The following ZNF385D variants were observed in gnomAD, a reference collection of about 807,000 sequenced individuals.
ZNF385D encodes zinc finger protein 659.
ZNF385D carries 15 observed loss-of-function variants against 35.8 expected under a neutral mutation model. That is an observed-to-expected ratio of 0.42 (90% CI 0.28 to 0.64). The LOEUF is 0.64. Among genes scored for constraint, ZNF385D ranks in the 30% least tolerant of loss-of-function variants. The pLI, the probability that ZNF385D is intolerant of heterozygous loss-of-function variation, is 0.23. For missense variants in ZNF385D, 474 were observed against 494.6 expected (o/e 0.96, Z 0.39); for synonymous variants, 212 against 186.8 (o/e 1.13, Z -1.10).
chr3:22,187,112 C>T (rs140102428), intron 2 of ZNF385D, among the ~76,000 whole-genome samples: 1 of 152,138 alleles, frequency 6.6e-6, no homozygotes, highest in African/African-American at 2.4e-5. Context: ...CTAACATCTT[C>T]CCACATATAA....
At chr3:21,640,417 G>A (rs1264778247) in intron 2 of ZNF385D, among the ~76,000 whole-genome samples, 1 of 152,098 alleles carries the variant, frequency 6.6e-6, no homozygotes, top group African/African-American at 2.4e-5. Context: ...GTTATGGACT[G>A]AAGTTTGTCT....
chr3:21,610,164 G>GAA (rs2064625709), intron 2 of ZNF385D, among the ~76,000 whole-genome samples: 2 of 150,412 alleles, frequency 1.3e-5, no homozygotes, highest in Non-Finnish European at 2.9e-5. Flanking sequence ...ATGTGTTTAT[G>GAA]CATATATATG....
chr3:22,014,757 T>C (rs1235830796), intron 3 of ZNF385D, among the ~76,000 whole-genome samples: 2 of 152,116 alleles, frequency 1.3e-5, no homozygotes, highest in Non-Finnish European at 2.9e-5. Context: ...TTAAATATAT[T>C]AATAATGAAA....
chr3:21,930,146 A>G (rs1700928410), intron 3 of ZNF385D, among the ~76,000 whole-genome samples: 1 of 152,106 alleles, frequency 6.6e-6, no homozygotes, highest in Non-Finnish European at 1.5e-5. Flanking sequence ...CCCATACTTT[A>G]TGACAATTAG....
chr3:21,812,932 G>A (rs2072993950), intron 3 of ZNF385D, among the ~76,000 whole-genome samples: 1 of 152,308 alleles, frequency 6.6e-6, no homozygotes, highest in South Asian at 2.1e-4. Flanking sequence ...GCCCAACTGG[G>A]AGACACCTCC....
chr3:21,827,927 G>A (rs371826395), intron 3 of ZNF385D, among the ~76,000 whole-genome samples: 109 of 152,218 alleles, frequency 7.2e-4, no homozygotes, highest in African/African-American at 2.5e-3. Flanking sequence ...CATATTGTGA[G>A]CAATTAATCT....
chr3:22,360,898 T>C (rs377620385), intron 2 of ZNF385D, among the ~76,000 whole-genome samples: 16 of 152,022 alleles, frequency 1.1e-4, no homozygotes, highest in African/African-American at 3.9e-4. Context: ...TTCTTTCAGG[T>C]TATACAAATT....
rs560982379 is a variant in ZNF385D at position 21,787,944 on chromosome 3, C to CAAAAAAAAAAAAAAAAAAAAAAAA, written c.326-122940_326-122917dup. On this transcript the variant is annotated intron_variant, in intron 3 of 5. Coordinates refer to the ZNF385D transcript ENST00000494108. ...GCGACAGAGCGAGACTTCGTCTCAA[C>CAAAAAAAAAAAAAAAAAAAAAAAA]AAAAAAAAAAAAAAAAAAAAAAAAA... Among the ~76,000 whole-genome samples the CAAAAAAAAAAAAAAAAAAAAAAAA allele has an allele frequency of 1.5e-4, 11 of 75,380 alleles. 1 individual carries two copies. The South Asian group carries it at 1.8e-3, about 12-fold the overall frequency. 49.5% of individuals were successfully genotyped at this position (75,380 alleles called of 152,430 possible). A position where few individuals can be genotyped will look rare whatever the true frequency, so the allele number is the denominator to read the frequency against.
chr3:21,542,280 T>G (rs927213064), intron 3 of ZNF385D, among the ~76,000 whole-genome samples: 30 of 152,128 alleles, frequency 2.0e-4, no homozygotes, highest in Admixed American at 2.0e-3. Flanking sequence ...AACTTCATTT[T>G]TATCAAAATG....
Position 21,646,529 on chromosome 3 carries a change from T to C in ZNF385D, c.165+18357A>G, listed in dbSNP as rs2065758096. Among the ~76,000 whole-genome samples, 1 of 152,212 alleles carries C rather than the reference T, an allele frequency of 6.6e-6. No individual in the cohort carries two copies. Among genetic ancestry groups the C allele is most frequent in the Admixed American group, 6.5e-5 (1 of 15,274 alleles). On this transcript the variant is annotated intron_variant, in intron 2 of 7. Transcript: ENST00000281523. The surrounding 1 kb of genome is among the most constrained non-coding windows in gnomAD (Gnocchi z 4.3). ...GACTATTTTCAGTAGTAACTGAAACTAATTCAGCAAATACTAACTGAGTGT... is the reference window on the plus strand; with the variant it reads ...GACTATTTTCAGTAGTAACTGAAACCAATTCAGCAAATACTAACTGAGTGT...
At chr3:21,424,107 T>G in intron 6 of ZNF385D, 43 bp from the exon 7 acceptor site, 2 of 1,500,906 alleles carry the variant, frequency 1.3e-6, no homozygotes, top group South Asian at 2.5e-5. Flanking sequence ...AAAAATCATC[T>G]GCAAAAACCT....
intron 4 of ZNF385D, among the ~76,000 whole-genome samples, chr3:21,496,984 C>G (rs78336224): frequency 6.6e-6 from 1 of 151,932 alleles, no homozygotes; most frequent in African/African-American, 2.4e-5. Context: ...CCTTGAGAAC[C>G]GAAACAAGAC....
At chr3:22,227,546 T>C (rs942028723) in intron 2 of ZNF385D, among the ~76,000 whole-genome samples, 6 of 152,036 alleles carry the variant, frequency 3.9e-5, no homozygotes, top group Non-Finnish European at 8.8e-5. Flanking sequence ...ACAAATGAAG[T>C]CTCCATAAAA....
At chr3:22,359,552 A>G (rs1696319119) in intron 2 of ZNF385D, among the ~76,000 whole-genome samples, 1 of 151,890 alleles carries the variant, frequency 6.6e-6, no homozygotes, top group Admixed American at 6.6e-5. Flanking sequence ...AGTAATATAT[A>G]ATGATAACGG....
intron 3 of ZNF385D, among the ~76,000 whole-genome samples, chr3:22,075,161 C>T (rs375871648): frequency 1.3e-5 from 2 of 151,922 alleles, no homozygotes; most frequent in African/African-American, 2.4e-5. Flanking sequence ...AAGAATTCAA[C>T]GTGATACCAG....
chr3:21,560,550 C>T (rs938430610), intron 3 of ZNF385D, among the ~76,000 whole-genome samples: 32 of 152,138 alleles, frequency 2.1e-4, no homozygotes, highest in African/African-American at 4.6e-4. Flanking sequence ...CAGATGCCAG[C>T]GAGAGCTCTC....
intron 3 of ZNF385D, among the ~76,000 whole-genome samples, chr3:22,129,135 G>T (rs756706780): frequency 6.6e-6 from 1 of 152,144 alleles, no homozygotes; most frequent in Non-Finnish European, 1.5e-5. Flanking sequence ...GAATTCCATG[G>T]ATTACATGGG....
intron 2 of ZNF385D, among the ~76,000 whole-genome samples, chr3:22,174,051 C>T (rs34718956): frequency 2.8e-5 from 4 of 143,634 alleles, no homozygotes; most frequent in South Asian, 2.3e-4. Flanking sequence ...CACACACACA[C>T]AGAGATATCC....
chr3:22,148,766 A>C (rs112907395), intron 3 of ZNF385D, among the ~76,000 whole-genome samples: 7 of 152,324 alleles, frequency 4.6e-5, no homozygotes, highest in African/African-American at 1.7e-4. Context: ...CTCCAAAGTT[A>C]GGTAATTAAT....
Sources: allele counts gnomAD v4.1 joint callset (sites outside exome capture counted in the v4.1 genomes callset), GRCh38; gene constraint gnomAD v4.1.1; non-coding constraint Gnocchi (gnomAD v3.1); transcripts MANE v1.5; gene names NCBI Gene and HGNC (gene_info 2026-07-23, HGNC 2026-07-21).